ZNF506: variants seen among roughly 807,000 people sequenced by gnomAD.
ZNF506 encodes zinc finger protein 506.
A neutral mutation model predicts 11.6 loss-of-function variants in ZNF506; 10 were observed. The ratio of observed to expected loss-of-function variants is 0.86; its 90% CI spans 0.53 to 1.46. ZNF506 has a LOEUF of 1.46. ZNF506 is among the 40% of genes most tolerant of loss of function. The probability of loss-of-function intolerance (pLI) is 0.00; values close to 1 mark genes in which losing one functional copy is unlikely to be tolerated. For missense variants in ZNF506, 425 were observed against 521.2 expected (o/e 0.82, Z 1.80); for synonymous variants, 156 against 173.3 (o/e 0.90, Z 0.78).
At chr19:19,813,645 G>A (rs2062902042) in intron 1 of ZNF506, among the ~76,000 whole-genome samples, 2 of 152,288 alleles carry the variant, frequency 1.3e-5, no homozygotes, top group East Asian at 1.9e-4. Context: ...CGCACAGGCT[G>A]TAAATGCCTA....
At chr19:19,814,410 A>AAATAATAATAATAATAATAATAAT (rs59922058) in intron 1 of ZNF506, among the ~76,000 whole-genome samples, 1,690 of 144,120 alleles carry the variant, frequency 0.012, 36 homozygotes, top group East Asian at 0.11. Flanking sequence ...CTCCATCTCA[A>AAATAATAATAATAATAATAATAAT]AATAATAATA....
intron 3 of ZNF506, chr19:19,799,216 T>A: frequency 2.8e-6 from 1 of 353,148 alleles, no homozygotes. Flanking sequence ...GGGTTTCAAA[T>A]ATATAAAGCA....
chr19:19,815,259 C>CA (rs1271090546), intron 1 of ZNF506, among the ~76,000 whole-genome samples: 1 of 152,126 alleles, frequency 6.6e-6, no homozygotes, highest in Non-Finnish European at 1.5e-5. Context: ...GACTCCATCT[C>CA]AAAAACAAAA....
Position 19,807,081 on chromosome 19 carries a change from C to T in ZNF506, c.4-13G>A, listed in dbSNP as rs188383884. ...ATTGCAATGGTCCCTGAAAAAAACACACACACTTATTTTTACCAAGTGGCC... is the reference window on the plus strand; with the variant it reads ...ATTGCAATGGTCCCTGAAAAAAACATACACACTTATTTTTACCAAGTGGCC... On this transcript the variant is annotated splice_polypyrimidine_tract_variant and intron_variant, in intron 1 of 3. Coordinates refer to ENST00000540806, the MANE Select transcript of ZNF506 (RefSeq NM_001099269.3). The T allele has an allele frequency of 1.9e-4, 309 of 1,612,988 alleles. 1 individual carries two copies. The African/African-American group carries it at 3.7e-3, about 20-fold the overall frequency.
chr19:19,804,628 G>A (rs2062820765), intron 3 of ZNF506, among the ~76,000 whole-genome samples: 3 of 152,176 alleles, frequency 2.0e-5, no homozygotes, highest in Admixed American at 1.3e-4. Context: ...AAAGACACAT[G>A]CACACGTATG....
chr19:19,820,651 G>C (rs910554141), intron 1 of ZNF506: 9 of 152,134 alleles, frequency 5.9e-5, no homozygotes, highest in African/African-American at 1.9e-4. Context: ...CGGAGATCGC[G>C]AGACTGCACG....
intron 1 of ZNF506, among the ~76,000 whole-genome samples, chr19:19,809,163 A>G (rs2062864661): frequency 6.6e-6 from 1 of 152,212 alleles, no homozygotes; most frequent in African/African-American, 2.4e-5. Flanking sequence ...TCCATGTTCA[A>G]CAGCCACAAA....
At chr19:19,820,064 T>TC (rs1297386360) in intron 1 of ZNF506, among the ~76,000 whole-genome samples, 6 of 148,990 alleles carry the variant, frequency 4.0e-5, no homozygotes, top group Admixed American at 6.7e-5. Context: ...CCCACTGCAC[T>TC]CCAGCATGGC....
At chr19:19,805,980 T>C in intron 3 of ZNF506, 51 bp downstream of exon 3, 1 of 1,464,538 alleles carries the variant, frequency 6.8e-7, no homozygotes, top group Non-Finnish European at 9.3e-7. Context: ...CTCTTTGACC[T>C]TGGGACCTCT....
intron 1 of ZNF506, among the ~76,000 whole-genome samples, chr19:19,815,114 G>C (rs2062919043): frequency 6.6e-6 from 1 of 152,046 alleles, no homozygotes; most frequent in Admixed American, 6.6e-5. Flanking sequence ...AAAAAAATTA[G>C]CCAGGCGTGG....
chr19:19,806,258 AT>A (rs2062835305), intron 2 of ZNF506, 132 bp from the exon 3 acceptor site: 11 of 631,800 alleles, frequency 1.7e-5, no homozygotes, highest in South Asian at 7.8e-5. Flanking sequence ...TATAACAGAA[AT>A]TTTTTTTCTT....
chr19:19,795,418 A>T lies in ZNF506; in HGVS notation c.469T>A (p.Phe157Ile), dbSNP rs1472131960. 2 of 1,594,534 alleles carry T rather than the reference A, an allele frequency of 1.3e-6. No individual in the cohort carries two copies. The highest frequency in any genetic ancestry group is 2.3e-5 in the South Asian group (2 of 86,994). ...ATCTTATGTTTGTTTGAATTTGAAA[A>T]TTTATGCAAGAATTTCACATATTCA... Reference protein sequence around the residue: ...CDEYVKFLHKFSNSNKHKIRD... With the variant: ...CDEYVKFLHKISNSNKHKIRD... The change falls in exon 4 of 4, where the codon TTT becomes ATT. Residue 157 changes from phenylalanine (F) to isoleucine (I), a missense_variant. Around this residue, in one of 3 missense-constraint regions of ZNF506, gnomAD observed 226 missense variants for 279.1 expected, o/e 0.81. Transcript: ENST00000540806.
intron 1 of ZNF506, among the ~76,000 whole-genome samples, chr19:19,814,412 A>AT (rs1555773164): frequency 7.3e-6 from 1 of 136,718 alleles, no homozygotes; most frequent in African/African-American, 3.0e-5. Context: ...CCATCTCAAA[A>AT]TAATAATAAT....
intron 1 of ZNF506, among the ~76,000 whole-genome samples, chr19:19,810,666 T>A (rs2062876600): frequency 1.3e-5 from 2 of 152,218 alleles, no homozygotes; most frequent in Admixed American, 1.3e-4. Flanking sequence ...TATTTACTTT[T>A]TTGTGACTTA....
At position 19,807,059 on chromosome 19, in the gene ZNF506, G is replaced by T. The variant is rs370723240; in HGVS notation, c.13C>A (p.Gln5Lys). The change falls in exon 2 of 4, where the codon CAA (glutamine) becomes AAA (lysine). Residue 5 changes from glutamine (Q) to lysine (K), a missense_variant. Coordinates refer to ENST00000540806, the MANE Select transcript of ZNF506 (RefSeq NM_001099269.3). The stretch of plus-strand genomic sequence containing the variant: ...AATTCTATGGCCACATCTCTAAATT[G>T]CAATGGTCCCTGAAAAAAACACACA... MGPL[Q>K]FRDVAIEFSL... 21 of 1,613,492 alleles carry T rather than the reference G, an allele frequency of 1.3e-5. No homozygotes were observed. The highest frequency in any genetic ancestry group is 5.0e-5 in the Admixed American group (3 of 59,924).
chr19:19,808,752 A>G (rs1348786463), intron 1 of ZNF506, among the ~76,000 whole-genome samples: 2 of 146,430 alleles, frequency 1.4e-5, no homozygotes, highest in Non-Finnish European at 3.0e-5. Flanking sequence ...CTAAGGCAGG[A>G]GAATTGTTTG....
chr19:19,803,932 A>G (rs2062815017), intron 3 of ZNF506, among the ~76,000 whole-genome samples: 1 of 152,226 alleles, frequency 6.6e-6, no homozygotes, highest in Admixed American at 6.5e-5. Flanking sequence ...TTATTTTTAA[A>G]AAAACCAAAC....
chr19:19,795,341 A>C lies in ZNF506; in HGVS notation c.546T>G (p.Phe182Leu). Reference protein sequence around the residue: ...SFKCIEYGKTFNQSSTRTTYK... With the variant: ...SFKCIEYGKTLNQSSTRTTYK... Reference sequence around the variant, plus strand: ...ATGTAGTACGGGTTGAAGACTGGTTAAAAGTTTTCCCATATTCTATACATT... The same window carrying C: ...ATGTAGTACGGGTTGAAGACTGGTTCAAAGTTTTCCCATATTCTATACATT... The change falls in exon 4 of 4, where the codon TTT (phenylalanine) becomes TTG (leucine). Residue 182 changes from phenylalanine (F) to leucine (L), a missense_variant. Coordinates refer to ENST00000540806, the MANE Select transcript of ZNF506 (RefSeq NM_001099269.3). 1.2e-6 allele frequency: 2 copies of C among 1,613,336 alleles called. No homozygotes were observed. The highest frequency in any genetic ancestry group is 1.7e-6 in the Non-Finnish European group (2 of 1,179,604).
intron 3 of ZNF506, among the ~76,000 whole-genome samples, chr19:19,802,642 C>G (rs2062804905): frequency 6.6e-6 from 1 of 152,178 alleles, no homozygotes; most frequent in African/African-American, 2.4e-5. Flanking sequence ...TTACAAGTAA[C>G]TATTTTAGTA....
Sources: gnomAD v4.1 joint callset for allele counts (sites outside exome capture counted in the v4.1 genomes callset) on GRCh38, gnomAD v4.1.1 for gene constraint, gnomAD v4.1.1 regional missense constraint, MANE v1.5 for transcripts, NCBI Gene and HGNC (gene_info 2026-07-23, HGNC 2026-07-21) for gene names.